Variants in CMIP observed in about 807,000 individuals in gnomAD.
CMIP encodes the protein c-Maf inducing protein.
In CMIP, 13 loss-of-function variants were observed where a neutral mutation model predicts 97.3. The observed-to-expected ratio is 0.13, with a 90% CI of 0.09 to 0.21. CMIP has a LOEUF of 0.21. CMIP is among the 10% of genes least tolerant of loss of function. The pLI is 1.00. For missense variants in CMIP, 847 were observed against 1,024.9 expected, an observed-to-expected ratio of 0.83 and a Z score of 2.37; for synonymous variants, 538 against 436.3, an observed-to-expected ratio of 1.23 and a Z score of -2.91.
intron 1 of CMIP, among the ~76,000 whole-genome samples, chr16:81,563,131 A>G (rs994222994): frequency 1.3e-5 from 2 of 152,212 alleles, no homozygotes; most frequent in African/African-American, 4.8e-5. Flanking sequence ...CATGGCTGCT[A>G]TCATCTGCCA....
chr16:81,501,407 G>T (rs562988913), intron 1 of CMIP, among the ~76,000 whole-genome samples: 3 of 152,160 alleles, frequency 2.0e-5, no homozygotes, highest in Admixed American at 1.3e-4. Flanking sequence ...GCAGTGCCCT[G>T]TGCCACGCAT....
At chr16:81,450,633 C>G (rs1340307213) in intron 1 of CMIP, among the ~76,000 whole-genome samples, 1 of 152,166 alleles carries the variant, frequency 6.6e-6, no homozygotes, top group Non-Finnish European at 1.5e-5. Context: ...CCAGAGAGTT[C>G]CCTGAGATGA....
rs2091876251 is a variant in CMIP at position 81,614,214 on chromosome 16, C to T, written c.426+6522C>T. On this transcript the variant is annotated intron_variant, in intron 2 of 20. Transcript: ENST00000537098. This position sits in a 1 kb window ranked among gnomAD's most constrained non-coding sequence, Gnocchi z 5.3. The stretch of plus-strand genomic sequence containing the variant: ...AATGTTCCTGGTGGGGGAGTACACG[C>T]TGCATGGAAGCCAGTCTGAGAGCAG... Among the ~76,000 whole-genome samples, 1 of 152,208 alleles carries T rather than the reference C, an allele frequency of 6.6e-6. No individual in the cohort carries two copies. The highest frequency in any genetic ancestry group is 2.4e-5 in the African/African-American group (1 of 41,452).
At chr16:81,691,729 C>T in intron 10 of CMIP, 46 bp from the exon 11 acceptor site, 1 of 1,565,444 alleles carries the variant, frequency 6.4e-7, no homozygotes, top group Non-Finnish European at 8.8e-7. Context: ...TGCCATAAAC[C>T]TTCCTTGTCC....
intron 1 of CMIP, among the ~76,000 whole-genome samples, chr16:81,478,883 C>G (rs901367501): frequency 9.9e-5 from 15 of 152,186 alleles, no homozygotes; most frequent in African/African-American, 3.6e-4. Flanking sequence ...CACCTCCCAG[C>G]CAGAAATTGC....
chr16:81,522,296 G>A (rs1283034268), intron 1 of CMIP, among the ~76,000 whole-genome samples: 1 of 152,132 alleles, frequency 6.6e-6, no homozygotes, highest in East Asian at 1.9e-4. Flanking sequence ...GGCCACACCT[G>A]GATTGACACA....
At chr16:81,456,358 C>G (rs112942241) in intron 1 of CMIP, among the ~76,000 whole-genome samples, 2 of 152,170 alleles carry the variant, frequency 1.3e-5, no homozygotes, top group Non-Finnish European at 2.9e-5. Flanking sequence ...CTCAAGAGTT[C>G]AAGGTTACAC....
intron 1 of CMIP, among the ~76,000 whole-genome samples, chr16:81,488,545 C>T (rs528330573): frequency 3.5e-4 from 54 of 152,280 alleles, no homozygotes; most frequent in South Asian, 2.1e-3. Flanking sequence ...TGGTTCTCCC[C>T]GAAACAGTGG....
chr16:81,676,111 C>T (rs555951334), intron 9 of CMIP, among the ~76,000 whole-genome samples: 1 of 152,186 alleles, frequency 6.6e-6, no homozygotes, highest in Non-Finnish European at 1.5e-5. Flanking sequence ...GGTTAGGTGG[C>T]TGTGGCAAGG....
At position 81,616,727 on chromosome 16, in the gene CMIP, G is replaced by A. The variant is rs1015023305; in HGVS notation, c.427-4149G>A. On this transcript the variant is annotated intron_variant, in intron 2 of 20. Coordinates refer to ENST00000537098, the MANE Select transcript of CMIP (RefSeq NM_198390.3). This position sits in a 1 kb window ranked among gnomAD's most constrained non-coding sequence, Gnocchi z 4.7. ...AAGGGGGTCACACCCTCCTATGGGA[G>A]GAAAGGCTTGGAAACCCAGATGGCT... Among the ~76,000 whole-genome samples the A allele has an allele frequency of 6.6e-6, 1 of 152,210 alleles. No individual in the cohort carries two copies. The highest frequency in any genetic ancestry group is 1.5e-5 in the Non-Finnish European group (1 of 68,024).
At chr16:81,691,922 G>C (rs1159986100) in intron 11 of CMIP, 82 bp downstream of exon 11, 1 of 1,216,264 alleles carries the variant, frequency 8.2e-7, no homozygotes, top group Non-Finnish European at 1.2e-6. Context: ...TGGGGGGCCA[G>C]TCATGTTATG....
intron 3 of CMIP, among the ~76,000 whole-genome samples, chr16:81,634,433 A>G (rs894591266): frequency 1.3e-5 from 2 of 152,162 alleles, no homozygotes; most frequent in Non-Finnish European, 2.9e-5. Flanking sequence ...TGGGTTTCTC[A>G]TAGCCTGAGA....
chr16:81,480,026 C>A (rs777628066), intron 1 of CMIP, among the ~76,000 whole-genome samples: 5 of 152,140 alleles, frequency 3.3e-5, no homozygotes, highest in African/African-American at 1.2e-4. Context: ...TCTTCGTAAC[C>A]CCCAAAACCC....
In CMIP at chr16:81,635,355, CA is replaced by C. The variant is rs1181859876; in HGVS notation, c.477+14430del. ...GGAGGGTTGGCACACAGGACAGAGT[CA>C]GGGGGAAGGATTTGGTCGGCTTCAT... is the stretch of plus-strand genomic sequence containing the variant. On this transcript the variant is annotated intron_variant, in intron 3 of 20. Coordinates refer to ENST00000537098, the MANE Select transcript of CMIP (RefSeq NM_198390.3). Among the ~76,000 whole-genome samples, 8 of 152,250 alleles carry C rather than the reference CA, an allele frequency of 5.3e-5. No homozygotes were observed. In the East Asian group the frequency reaches 7.7e-4, roughly 15 times the overall value.
intron 1 of CMIP, among the ~76,000 whole-genome samples, chr16:81,584,468 T>C (rs937883118): frequency 4.6e-5 from 7 of 152,200 alleles, no homozygotes; most frequent in Non-Finnish European, 8.8e-5. Context: ...GTGTTTTATG[T>C]GTGTATATAT....
At chr16:81,704,856 A>G (rs1176565389) in intron 18 of CMIP, among the ~76,000 whole-genome samples, 2 of 150,600 alleles carry the variant, frequency 1.3e-5, no homozygotes, top group African/African-American at 2.5e-5. Flanking sequence ...CCTGCAGCCC[A>G]TTTCCCATTT....
chr16:81,612,468 C>G (rs562539425), intron 2 of CMIP, among the ~76,000 whole-genome samples: 2 of 152,296 alleles, frequency 1.3e-5, no homozygotes, highest in East Asian at 3.9e-4. Flanking sequence ...AGGTAGCAAG[C>G]AGGACTTTTC....
In CMIP at chr16:81,711,360, T is replaced by G. The variant is rs1372148980; in HGVS notation, c.*1561T>G. 1 of 152,120 alleles carries G rather than the reference T, an allele frequency of 6.6e-6. No individual in the cohort carries two copies. The highest frequency in any genetic ancestry group is 1.5e-5 in the Non-Finnish European group (1 of 67,960). 9.4% of individuals were successfully genotyped at this position (152,120 alleles called of 1,614,324 possible). A position where few individuals can be genotyped will look rare whatever the true frequency, so the allele number is the denominator to read the frequency against. ...GGTAGACTTTATTACCCCCCCACTA[T>G]GCCCTCATTTTTTTAAAAAAGGAAA... is the stretch of plus-strand genomic sequence containing the variant. On this transcript the variant is annotated 3_prime_UTR_variant, in exon 21 of 21. Transcript: ENST00000537098.
At chr16:81,472,850 T>C (rs1244974878) in intron 1 of CMIP, among the ~76,000 whole-genome samples, 3 of 152,134 alleles carry the variant, frequency 2.0e-5, no homozygotes, top group Admixed American at 6.5e-5. Flanking sequence ...CATCGTGGCA[T>C]CTGTGGTGAT....
Sources: allele counts gnomAD v4.1 joint callset (sites outside exome capture counted in the v4.1 genomes callset), GRCh38; gene constraint gnomAD v4.1.1; non-coding constraint Gnocchi (gnomAD v3.1); transcripts MANE v1.5; gene names NCBI Gene and HGNC (gene_info 2026-07-23, HGNC 2026-07-21).